Variants in CPAP observed in about 807,000 individuals in gnomAD.
CPAP encodes centrosomal P4.1-associated protein.
the CPAP span, among the ~76,000 whole-genome samples, chr13:24,931,302 G>GTTTTTTTTTTTTT: frequency 2.2e-4 from 2 of 9,064 alleles, no homozygotes; most frequent in African/African-American, 9.0e-4. Flanking sequence ...ATTTTTTCAT[G>GTTTTTTTTTTTTT]TTTCTTTTTT....
the CPAP span, chr13:24,906,192 T>C: frequency 6.2e-7 from 1 of 1,613,540 alleles, no homozygotes; most frequent in Non-Finnish European, 8.5e-7. Flanking sequence ...TTGACAGGGG[T>C]GGAAGACATC....
At chr13:24,916,048 A>T in the CPAP span, among the ~76,000 whole-genome samples, 65 of 152,176 alleles carry the variant, frequency 4.3e-4, no homozygotes, top group Non-Finnish European at 3.8e-4. Flanking sequence ...ACAGAATAAG[A>T]AATTGAAGGC....
chr13:24,911,751 C>T, the CPAP span, among the ~76,000 whole-genome samples: 1 of 151,528 alleles, frequency 6.6e-6, no homozygotes, highest in South Asian at 2.1e-4. Flanking sequence ...TAAAGCAGGG[C>T]ATGCGCACAC....
At chr13:24,902,242 A>C in the CPAP span, among the ~76,000 whole-genome samples, 3 of 152,216 alleles carry the variant, frequency 2.0e-5, no homozygotes, top group Non-Finnish European at 4.4e-5. Context: ...ATGCTAAAAA[A>C]AAACAAAAAA....
chr13:24,906,112 G>A, the CPAP span: 3 of 1,612,964 alleles, frequency 1.9e-6, no homozygotes, highest in African/African-American at 2.7e-5. Context: ...CACGTGCAGT[G>A]TGGTCCAAAT....
the CPAP span, chr13:24,884,478 C>A: frequency 2.5e-6 from 4 of 1,613,634 alleles, no homozygotes; most frequent in South Asian, 3.3e-5. Context: ...AAAACCAACA[C>A]AAGATTATCA....
the CPAP span, among the ~76,000 whole-genome samples, chr13:24,889,616 C>A: frequency 6.6e-6 from 1 of 152,134 alleles, no homozygotes. Flanking sequence ...GACAAACATT[C>A]ATTCAAGTTA....
At chr13:24,883,594 G>A in the CPAP span, among the ~76,000 whole-genome samples, 4 of 152,090 alleles carry the variant, frequency 2.6e-5, no homozygotes, top group Non-Finnish European at 5.9e-5. Flanking sequence ...ATCACAAAAT[G>A]CTTAGTAACT....
chr13:24,921,626 C>CT, the CPAP span, among the ~76,000 whole-genome samples: 1,326 of 149,936 alleles, frequency 8.8e-3, 13 homozygotes, highest in Admixed American at 0.021. Flanking sequence ...AAAGTAATGA[C>CT]TTTTTTTTTT....
the CPAP span, among the ~76,000 whole-genome samples, chr13:24,908,613 T>G: frequency 4.0e-3 from 600 of 151,426 alleles, 2 homozygotes; most frequent in African/African-American, 0.013. Context: ...TAAAATAAAA[T>G]AAAGACACTT....
At chr13:24,906,129 T>G in the CPAP span, 2 of 1,613,306 alleles carry the variant, frequency 1.2e-6, no homozygotes, top group East Asian at 2.2e-5. Context: ...AAATCCTCAC[T>G]GCGGTTACAA....
the CPAP span, chr13:24,909,744 C>A: frequency 6.5e-7 from 1 of 1,546,516 alleles, no homozygotes; most frequent in Non-Finnish European, 8.9e-7. Flanking sequence ...CTTAGGACAA[C>A]TTAGTAACAC....
At chr13:24,883,853 C>G in the CPAP span, 2 of 1,226,152 alleles carry the variant, frequency 1.6e-6, no homozygotes, top group Admixed American at 3.4e-5. Context: ...ACTGAACCCC[C>G]TAATATGGGT....
At chr13:24,906,709 T>G in the CPAP span, 1 of 1,614,216 alleles carries the variant, frequency 6.2e-7, no homozygotes, top group South Asian at 1.1e-5. Flanking sequence ...TGGTTCTAGC[T>G]TTACTGTCCT....
chr13:24,883,442 A>G, the CPAP span: 1 of 1,258,856 alleles, frequency 7.9e-7, no homozygotes, highest in African/African-American at 1.5e-5. Flanking sequence ...AAACTACTGA[A>G]AAGTAGCCTT....
At chr13:24,909,301 C>G in the CPAP span, among the ~76,000 whole-genome samples, 2 of 152,102 alleles carry the variant, frequency 1.3e-5, no homozygotes, top group Non-Finnish European at 2.9e-5. Flanking sequence ...CCAAGGCAGG[C>G]AGATCACTTG....
At chr13:24,913,488 C>T in the CPAP span, among the ~76,000 whole-genome samples, 1 of 152,114 alleles carries the variant, frequency 6.6e-6, no homozygotes, top group East Asian at 1.9e-4. Flanking sequence ...AGTTGGTGAA[C>T]CTGTTTTCTC....
At chr13:24,896,959 C>T in the CPAP span, among the ~76,000 whole-genome samples, 3 of 152,160 alleles carry the variant, frequency 2.0e-5, no homozygotes, top group South Asian at 4.1e-4. Flanking sequence ...TAAAAACAGC[C>T]ATACTAAATT....
the CPAP span, chr13:24,905,292 ATTAATG>A: frequency 6.6e-7 from 1 of 1,515,350 alleles, no homozygotes; most frequent in South Asian, 1.1e-5. Flanking sequence ...CAGCATACTG[ATTAATG>A]TTAAATTTCT....
Sources: gnomAD v4.1 joint callset for allele counts (sites outside exome capture counted in the v4.1 genomes callset) on GRCh38, gnomAD v4.1.1 for gene constraint, MANE v1.5 for transcripts, NCBI Gene and HGNC (gene_info 2026-07-23, HGNC 2026-07-21) for gene names.